The following PPARGC1A variants were observed in gnomAD, a reference collection of about 807,000 sequenced individuals.
PPARGC1A encodes peroxisome proliferator-activated receptor gamma coactivator 1-alpha.
Under a neutral mutation model 88.7 loss-of-function variants are expected in PPARGC1A, and 25 were observed. The ratio of observed to expected loss-of-function variants is 0.28; its 90% CI spans 0.21 to 0.39. The LOEUF is 0.39. PPARGC1A is among the 10% of genes least tolerant of loss of function. PPARGC1A has a pLI of 1.00. For synonymous variants in PPARGC1A, 363 were observed against 355.6 expected (o/e 1.02, Z -0.24); for missense variants, 880 against 968.7 (o/e 0.91, Z 1.22).
the PPARGC1A span, among the ~76,000 whole-genome samples, chr4:24,083,270 TG>T: frequency 6.6e-6 from 1 of 152,262 alleles, no homozygotes; most frequent in African/African-American, 2.4e-5. Flanking sequence ...TCTCCCTAAC[TG>T]AGCTATAGCT....
chr4:23,986,525 T>C, the PPARGC1A span, among the ~76,000 whole-genome samples: 1 of 152,094 alleles, frequency 6.6e-6, no homozygotes, highest in Non-Finnish European at 1.5e-5. Context: ...CACTAGACTT[T>C]TTCCTGCAAG....
At chr4:23,994,977 C>T in the PPARGC1A span, among the ~76,000 whole-genome samples, 22 of 152,246 alleles carry the variant, frequency 1.4e-4, no homozygotes, top group African/African-American at 2.4e-4. Flanking sequence ...AACACATTTA[C>T]GAGGGTATGT....
At chr4:23,871,838 C>G (rs957199159) in intron 2 of PPARGC1A, among the ~76,000 whole-genome samples, 1 of 152,150 alleles carries the variant, frequency 6.6e-6, no homozygotes, top group Admixed American at 6.5e-5. Context: ...AAATAAATTT[C>G]TCAGAAAGAA....
chr4:23,904,104 C>G (rs1560543529), upstream of PPARGC1A: 2 of 942,018 alleles, frequency 2.1e-6, no homozygotes, highest in African/African-American at 3.6e-5. Context: ...AGGGCTTCGG[C>G]AGGCCACTTT....
the PPARGC1A span, among the ~76,000 whole-genome samples, chr4:23,938,583 T>G: frequency 6.6e-6 from 1 of 152,264 alleles, no homozygotes; most frequent in Non-Finnish European, 1.5e-5. Flanking sequence ...CACGGAGAGC[T>G]CTTCTTGAAG....
intron 2 of PPARGC1A, among the ~76,000 whole-genome samples, chr4:23,882,423 T>C (rs80012851): frequency 0.016 from 2,444 of 152,288 alleles, 77 homozygotes; most frequent in African/African-American, 0.056. Flanking sequence ...GCTTTTTTCA[T>C]TGGAGGCTGA....
chr4:24,204,623 C>A, the PPARGC1A span, among the ~76,000 whole-genome samples: 3 of 151,934 alleles, frequency 2.0e-5, no homozygotes, highest in Non-Finnish European at 4.4e-5. Flanking sequence ...TAAGAACTGG[C>A]GGGGGAGGTG....
At chr4:24,430,599 A>C in the PPARGC1A span, among the ~76,000 whole-genome samples, 2 of 152,066 alleles carry the variant, frequency 1.3e-5, no homozygotes, top group African/African-American at 4.8e-5. Flanking sequence ...GCAACAAATC[A>C]GTTGTATCCC....
the PPARGC1A span, among the ~76,000 whole-genome samples, chr4:24,268,864 A>G: frequency 6.6e-6 from 1 of 152,228 alleles, no homozygotes; most frequent in Non-Finnish European, 1.5e-5. Context: ...TTTAATCCGT[A>G]CATATTTATG....
chr4:24,046,929 T>C, the PPARGC1A span, among the ~76,000 whole-genome samples: 1 of 152,180 alleles, frequency 6.6e-6, no homozygotes, highest in Admixed American at 6.5e-5. Flanking sequence ...AGTTCCTGGA[T>C]TGATATTGAA....
the PPARGC1A span, among the ~76,000 whole-genome samples, chr4:24,269,373 C>CTTGA: frequency 0.62 from 93,987 of 151,622 alleles, 29,608 homozygotes; most frequent in East Asian, 0.87. Context: ...CAAGAAGTGA[C>CTTGA]TTATTATCTC....
the PPARGC1A span, among the ~76,000 whole-genome samples, chr4:24,088,716 T>C: frequency 9.8e-5 from 15 of 152,324 alleles, no homozygotes; most frequent in East Asian, 2.9e-3. Context: ...GATTCAGAGA[T>C]TGATTATTTC....
upstream of PPARGC1A, among the ~76,000 whole-genome samples, chr4:23,904,520 G>A (rs1292836881): frequency 1.3e-5 from 2 of 151,704 alleles, no homozygotes; most frequent in African/African-American, 4.9e-5. Context: ...GAGTGTAGAA[G>A]ACTCTGTTTT....
chr4:24,327,287 G>A, the PPARGC1A span, among the ~76,000 whole-genome samples: 48 of 152,244 alleles, frequency 3.2e-4, no homozygotes, highest in African/African-American at 1.1e-3. Flanking sequence ...ACTATCTTCT[G>A]TCTAGTCATA....
the PPARGC1A span, among the ~76,000 whole-genome samples, chr4:24,380,089 C>A: frequency 2.6e-5 from 4 of 151,966 alleles, no homozygotes; most frequent in South Asian, 8.3e-4. Flanking sequence ...TTATTTAAAT[C>A]CTTAACAATA....
chr4:23,825,489 T>C (rs968257979), intron 5 of PPARGC1A, among the ~76,000 whole-genome samples: 8 of 152,070 alleles, frequency 5.3e-5, no homozygotes, highest in Non-Finnish European at 8.8e-5. Flanking sequence ...TATCTTATGG[T>C]TGAAGAAACT....
At position 23,801,792 on chromosome 4, in the gene PPARGC1A, G is replaced by A. The variant is rs1248427531; in HGVS notation, c.2231C>T (p.Thr744Ile). The A allele has an allele frequency of 1.9e-6, 3 of 1,614,046 alleles. No homozygotes were observed. Among genetic ancestry groups the A allele is most frequent in the Non-Finnish European group, 8.5e-7 (1 of 1,179,986 alleles). ...TCCACAAAAGTACAGCTCAAAGTCA[G>A]TTTCGTTTGACCTGCGCAAAGTGTA... Reference protein sequence around the residue: ...NGYTLRRSNETDFELYFCGRK... With the variant: ...NGYTLRRSNEIDFELYFCGRK... The change falls in exon 12 of 13, where the codon ACT (threonine) becomes ATT (isoleucine). Residue 744 changes from threonine to isoleucine, a missense_variant. Physicochemically the swap from Thr to Ile is moderately conservative, Grantham distance 89 (BLOSUM62 -1). Coordinates refer to ENST00000264867, the MANE Select transcript of PPARGC1A (RefSeq NM_013261.5).
At chr4:24,117,199 A>G in the PPARGC1A span, among the ~76,000 whole-genome samples, 9 of 152,166 alleles carry the variant, frequency 5.9e-5, no homozygotes, top group Non-Finnish European at 1.3e-4. Flanking sequence ...AAGAAGCCCA[A>G]ATGGCTGGGT....
At chr4:24,208,287 G>C in the PPARGC1A span, among the ~76,000 whole-genome samples, 1 of 151,948 alleles carries the variant, frequency 6.6e-6, no homozygotes, top group Non-Finnish European at 1.5e-5. Context: ...TCAAAAAAAG[G>C]GAATGGAAGG....
Sources: gnomAD v4.1 joint callset for allele counts (sites outside exome capture counted in the v4.1 genomes callset) on GRCh38, gnomAD v4.1.1 for gene constraint, MANE v1.5 for transcripts, NCBI Gene and HGNC (gene_info 2026-07-23, HGNC 2026-07-21) for gene names.